The following COP1 variants were observed in gnomAD, a reference collection of about 807,000 sequenced individuals.
The protein encoded by COP1 is COP1 E3 ubiquitin ligase, also known as E3 ubiquitin-protein ligase COP1.
In COP1, 24 loss-of-function variants were observed where a neutral mutation model predicts 101.3. The observed-to-expected ratio is 0.24, with a 90% CI of 0.17 to 0.33. The LOEUF (loss-of-function observed/expected upper bound fraction) is 0.33, where lower values mean the gene tolerates loss of function less well. COP1 is among the 10% of genes least tolerant of loss of function. COP1 has a pLI of 1.00. For synonymous variants in COP1, 347 were observed against 341.9 expected (o/e 1.01, Z -0.17); for missense variants, 663 against 906.2 (o/e 0.73, Z 3.45).
chr1:176,181,708 G>A (rs1049448987), intron 2 of COP1, among the ~76,000 whole-genome samples: 2 of 152,034 alleles, frequency 1.3e-5, no homozygotes, highest in Non-Finnish European at 2.9e-5. Context: ...GGGCGTGGTG[G>A]CACACGCCTG....
chr1:176,000,554 T>C (rs1032038557), intron 15 of COP1, among the ~76,000 whole-genome samples: 1 of 152,080 alleles, frequency 6.6e-6, no homozygotes, highest in African/African-American at 2.4e-5. Context: ...ATTTTAATCT[T>C]ATGGGACCAC....
intron 18 of COP1, among the ~76,000 whole-genome samples, chr1:175,955,247 CA>C (rs576531899): frequency 7.3e-5 from 11 of 150,540 alleles, no homozygotes; most frequent in Non-Finnish European, 1.6e-4. Context: ...TGCCTCAAAA[CA>C]AAAAAAAGAA....
Position 176,002,401 on chromosome 1 carries a change from T to A in COP1, c.1730-12922A>T, listed in dbSNP as rs962069020. 6.6e-5 allele frequency among the ~76,000 whole-genome samples: 10 copies of A among 151,928 alleles called. No individual in the cohort carries two copies. The East Asian group carries it at 9.7e-4, about 15-fold the overall frequency. ...TTAAGTTTTAGGGTACATGTGCACA[T>A]AGTGCAGGTTAGTTACATATGTATA... is the stretch of plus-strand genomic sequence containing the variant. On this transcript the variant is annotated intron_variant, in intron 15 of 19. Coordinates refer to ENST00000367669, the MANE Select transcript of COP1 (RefSeq NM_022457.7).
At chr1:176,109,783 T>G (rs936271717) in intron 9 of COP1, among the ~76,000 whole-genome samples, 4 of 152,216 alleles carry the variant, frequency 2.6e-5, no homozygotes, top group South Asian at 2.1e-4. Context: ...GTTATTTTAA[T>G]GTACTCAGTA....
chr1:176,004,458 T>C (rs1352777034), intron 15 of COP1, among the ~76,000 whole-genome samples: 1 of 132,018 alleles, frequency 7.6e-6, no homozygotes, highest in Non-Finnish European at 1.7e-5. Context: ...TTCCAGTTTT[T>C]GCCCATTCAG....
intron 10 of COP1, among the ~76,000 whole-genome samples, chr1:176,085,199 CCT>C (rs1679915030): frequency 6.6e-6 from 1 of 152,024 alleles, no homozygotes. Flanking sequence ...ATATACAACT[CCT>C]CTGAAATCCC....
In COP1 at chr1:175,993,093, C is replaced by T. The variant is rs192013198; in HGVS notation, c.1730-3614G>A. ...ACAGGACTTGCGGTTCACGAAAAGC[C>T]GCTGTTCTGCAGCCACCGCTGCTGG... On this transcript the variant is annotated intron_variant, in intron 15 of 19. Transcript: ENST00000367669. 1.0e-3 allele frequency among the ~76,000 whole-genome samples: 158 copies of T among 152,240 alleles called. 3 individuals carry two copies. In the East Asian group the frequency reaches 0.014, roughly 14 times the overall value.
At chr1:176,067,881 G>A (rs575742587) in intron 11 of COP1, among the ~76,000 whole-genome samples, 1 of 152,168 alleles carries the variant, frequency 6.6e-6, no homozygotes, top group South Asian at 2.1e-4. Flanking sequence ...TGGGGTCAGA[G>A]CCCACGCTCC....
chr1:175,999,287 T>C (rs771678646), intron 15 of COP1, among the ~76,000 whole-genome samples: 18 of 152,082 alleles, frequency 1.2e-4, no homozygotes, highest in Non-Finnish European at 2.1e-4. Context: ...GTAACCATCC[T>C]TCTACTCTCT....
At position 175,953,115 on chromosome 1, in the gene COP1, G is replaced by C. The variant is rs543234789; in HGVS notation, c.2134-5876C>G. 4.3e-4 allele frequency among the ~76,000 whole-genome samples: 66 copies of C among 152,064 alleles called. 1 individual carries two copies. The highest frequency in any genetic ancestry group is 1.6e-3 in the African/African-American group (65 of 41,472). ...AACAAAAGCACAAATAATAAAAGGG[G>C]AGAATAGAAGTATAATGTTATAAGA... is the stretch of plus-strand genomic sequence containing the variant. On this transcript the variant is annotated intron_variant, in intron 18 of 19. Coordinates refer to ENST00000367669, the MANE Select transcript of COP1 (RefSeq NM_022457.7).
chr1:176,128,752 T>C (rs1273156660), intron 8 of COP1, among the ~76,000 whole-genome samples: 1 of 151,976 alleles, frequency 6.6e-6, no homozygotes, highest in Non-Finnish European at 1.5e-5. Flanking sequence ...TTCAATTTGA[T>C]TATAAAAACA....
intron 16 of COP1, 104 bp downstream of exon 16, chr1:175,989,258 T>C (rs915284390): frequency 5.2e-6 from 3 of 580,146 alleles, no homozygotes; most frequent in Non-Finnish European, 9.4e-6. Flanking sequence ...AAAGTACATA[T>C]ACTCCAATAT....
intron 1 of COP1, among the ~76,000 whole-genome samples, chr1:176,185,318 T>TA (rs1259755249): frequency 6.6e-6 from 1 of 152,194 alleles, no homozygotes; most frequent in African/African-American, 2.4e-5. Context: ...AGAGAGCTGT[T>TA]AAAGTCACAC....
chr1:175,952,976 G>T (rs1229530567), intron 18 of COP1, among the ~76,000 whole-genome samples: 4 of 152,014 alleles, frequency 2.6e-5, no homozygotes, highest in Non-Finnish European at 5.9e-5. Context: ...AAATATAAAA[G>T]ATATTTGATT....
At chr1:176,050,915 C>A (rs1230134302) in intron 11 of COP1, among the ~76,000 whole-genome samples, 1 of 152,096 alleles carries the variant, frequency 6.6e-6, no homozygotes, top group Non-Finnish European at 1.5e-5. Context: ...CTTGCAATTT[C>A]AATTAGAACA....
At chr1:176,061,873 A>AT (rs1272796998) in intron 11 of COP1, among the ~76,000 whole-genome samples, 1 of 152,234 alleles carries the variant, frequency 6.6e-6, no homozygotes. Context: ...GAAAGACACT[A>AT]TTAAGAAAAT....
intron 3 of COP1, among the ~76,000 whole-genome samples, chr1:176,170,590 C>T (rs967270858): frequency 2.0e-5 from 3 of 152,086 alleles, no homozygotes; most frequent in Non-Finnish European, 2.9e-5. Context: ...CAGTAAATCA[C>T]GCTGAAAAGA....
chr1:176,159,445 G>C (rs1020830648), intron 5 of COP1, among the ~76,000 whole-genome samples: 4 of 152,098 alleles, frequency 2.6e-5, no homozygotes, highest in African/African-American at 9.7e-5. Flanking sequence ...CCACAGAAGA[G>C]CAATCTGTCA....
intron 18 of COP1, among the ~76,000 whole-genome samples, chr1:175,951,461 T>TAA (rs1553274577): frequency 7.6e-4 from 42 of 54,940 alleles, no homozygotes; most frequent in African/African-American, 1.9e-3. Context: ...TATATATATA[T>TAA]AAAAACTTCC....
Sources: gnomAD v4.1 joint callset for allele counts (sites outside exome capture counted in the v4.1 genomes callset) on GRCh38, gnomAD v4.1.1 for gene constraint, MANE v1.5 for transcripts, NCBI Gene and HGNC (gene_info 2026-07-23, HGNC 2026-07-21) for gene names.